The following ZNF503 variants were observed in gnomAD, a reference collection of about 807,000 sequenced individuals.
ZNF503 encodes the protein NocA-like zinc finger 2.
Under a neutral mutation model 34.4 loss-of-function variants are expected in ZNF503, and 15 were observed. The ratio of observed to expected loss-of-function variants is 0.44; its 90% CI spans 0.29 to 0.67. ZNF503 has a LOEUF of 0.67. ZNF503 is among the 30% of genes least tolerant of loss of function. The pLI, the probability that ZNF503 is intolerant of heterozygous loss-of-function variation, is 0.13. For missense variants in ZNF503, 1,007 were observed against 926.8 expected, an observed-to-expected ratio of 1.09 and a Z score of -1.12; for synonymous variants, 580 against 456.8, an observed-to-expected ratio of 1.27 and a Z score of -3.44.
At chr10:75,346,685 G>T in the ZNF503 span, among the ~76,000 whole-genome samples, 2 of 151,668 alleles carry the variant, frequency 1.3e-5, no homozygotes, top group Non-Finnish European at 2.9e-5. Context: ...CAAGTGATCT[G>T]CCCGCCTCGG....
At chr10:75,366,468 C>A in the ZNF503 span, among the ~76,000 whole-genome samples, 2 of 152,166 alleles carry the variant, frequency 1.3e-5, no homozygotes, top group Non-Finnish European at 2.9e-5. Flanking sequence ...AAAAGGTAGG[C>A]GACCTGACTT....
chr10:75,398,959 G>A lies in ZNF503; in HGVS notation c.1731C>T (p.Thr577=), dbSNP rs1204068047. 3.1e-6 allele frequency: 5 copies of A among 1,603,426 alleles called. No individual in the cohort carries two copies. In the African/African-American group the frequency reaches 5.3e-5, roughly 17 times the overall value. ...AAMACHMHIP[T]SGAPGSPGTL... ...TCCCAGGGCTGCCCGGTGCGCCCGA[G>A]GTGGGGATGTGCATGTGGCAAGCCA... The change falls in exon 2 of 2, where the codon ACC becomes ACT. Residue 577 remains threonine (T), a synonymous_variant. Transcript: ENST00000372524.
chr10:75,333,087 G>A, the ZNF503 span, among the ~76,000 whole-genome samples: 49,540 of 139,082 alleles, frequency 0.36, 8,671 homozygotes, highest in Non-Finnish European at 0.37. Flanking sequence ...CAGACGGGGC[G>A]GCTGGCCGGG....
the ZNF503 span, among the ~76,000 whole-genome samples, chr10:75,374,475 C>T: frequency 1.3e-5 from 2 of 152,196 alleles, no homozygotes; most frequent in Non-Finnish European, 2.9e-5. Context: ...GGGGTCTTCG[C>T]ACTTGCCACC....
chr10:75,292,183 C>A, the ZNF503 span, among the ~76,000 whole-genome samples: 2 of 152,206 alleles, frequency 1.3e-5, no homozygotes, highest in Non-Finnish European at 2.9e-5. Context: ...TCCTTGTTCT[C>A]TGCCTCAGTG....
chr10:75,370,678 C>T, the ZNF503 span, among the ~76,000 whole-genome samples: 3 of 148,666 alleles, frequency 2.0e-5, no homozygotes, highest in African/African-American at 7.5e-5. Flanking sequence ...ACTCGGGAGG[C>T]TGAGGCAGGA....
At chr10:75,319,438 A>T in the ZNF503 span, among the ~76,000 whole-genome samples, 2 of 152,348 alleles carry the variant, frequency 1.3e-5, no homozygotes, top group East Asian at 1.9e-4. Flanking sequence ...AGCAGACTGT[A>T]GCAAGTTATG....
the ZNF503 span, among the ~76,000 whole-genome samples, chr10:75,293,385 T>C: frequency 6.6e-6 from 1 of 152,136 alleles, no homozygotes; most frequent in Non-Finnish European, 1.5e-5. Context: ...CAGCTGGCCT[T>C]TCCAGGTAGG....
intron 1 of ZNF503, 108 bp from the exon 2 acceptor site, chr10:75,400,482 G>A: frequency 6.9e-7 from 1 of 1,445,216 alleles, no homozygotes; most frequent in East Asian, 2.5e-5. Context: ...AGCCCACGAA[G>A]ATCCTCCCAG....
chr10:75,299,750 G>T, the ZNF503 span, among the ~76,000 whole-genome samples: 1 of 152,162 alleles, frequency 6.6e-6, no homozygotes, highest in Admixed American at 6.5e-5. Context: ...TAGGTTCGGT[G>T]ATGCCTGCCG....
the ZNF503 span, among the ~76,000 whole-genome samples, chr10:75,381,815 T>TTTTTTTTTG: frequency 8.7e-6 from 1 of 115,136 alleles, no homozygotes; most frequent in Non-Finnish European, 1.9e-5. Context: ...CTTTTTTTTT[T>TTTTTTTTTG]TTTTTTTTTT....
chr10:75,379,588 G>A, the ZNF503 span, among the ~76,000 whole-genome samples: 4 of 152,168 alleles, frequency 2.6e-5, no homozygotes, highest in African/African-American at 9.7e-5. Context: ...AGCACGGACT[G>A]TTCTTGGCTC....
the ZNF503 span, among the ~76,000 whole-genome samples, chr10:75,315,341 T>G: frequency 1.3e-5 from 2 of 152,150 alleles, no homozygotes; most frequent in African/African-American, 2.4e-5. Context: ...GCCTGAGTGA[T>G]AGAGTGAGAC....
the ZNF503 span, among the ~76,000 whole-genome samples, chr10:75,317,390 A>T: frequency 1.5e-5 from 2 of 134,350 alleles, no homozygotes; most frequent in African/African-American, 5.8e-5. Flanking sequence ...CCATTCTCCT[A>T]TCTCAGCCTC....
chr10:75,334,138 C>T, the ZNF503 span, among the ~76,000 whole-genome samples: 2 of 148,134 alleles, frequency 1.4e-5, no homozygotes, highest in African/African-American at 2.5e-5. Flanking sequence ...GACGGGGTGG[C>T]GGCCGGGCAG....
the ZNF503 span, among the ~76,000 whole-genome samples, chr10:75,321,224 G>C: frequency 2.0e-5 from 3 of 152,110 alleles, no homozygotes; most frequent in Non-Finnish European, 4.4e-5. Context: ...CCCAGAAGCT[G>C]AGTAGATGCC....
chr10:75,312,911 G>A, the ZNF503 span, among the ~76,000 whole-genome samples: 1 of 152,122 alleles, frequency 6.6e-6, no homozygotes, highest in South Asian at 2.1e-4. Context: ...TCCCCATACT[G>A]TTTTTGTGAT....
the ZNF503 span, among the ~76,000 whole-genome samples, chr10:75,365,707 G>A: frequency 6.6e-6 from 1 of 152,168 alleles, no homozygotes; most frequent in South Asian, 2.1e-4. Flanking sequence ...CTCTGGAATG[G>A]GGTTGGTAAT....
At chr10:75,367,706 A>G in the ZNF503 span, among the ~76,000 whole-genome samples, 47 of 152,232 alleles carry the variant, frequency 3.1e-4, no homozygotes, top group African/African-American at 1.1e-3. Flanking sequence ...AAGGACACAC[A>G]AAGCAGAAGG....
Sources: gnomAD v4.1 joint callset for allele counts (sites outside exome capture counted in the v4.1 genomes callset) on GRCh38, gnomAD v4.1.1 for gene constraint, MANE v1.5 for transcripts, NCBI Gene and HGNC (gene_info 2026-07-23, HGNC 2026-07-21) for gene names.